TRAPPC10: variants seen among roughly 807,000 people sequenced by gnomAD.
TRAPPC10 encodes the protein TRAPP 130 kDa subunit.
In TRAPPC10, 23 loss-of-function variants were observed where a neutral mutation model predicts 125.5. That is an observed-to-expected ratio of 0.18 (90% CI 0.13 to 0.26). The LOEUF is 0.26. TRAPPC10 is among the 10% of genes least tolerant of loss of function. The pLI, the probability that TRAPPC10 is intolerant of heterozygous loss-of-function variation, is 1.00. For missense variants in TRAPPC10, 1,123 were observed against 1,308.4 expected (o/e 0.86, Z 2.19); for synonymous variants, 509 against 518.0 (o/e 0.98, Z 0.24).
chr21:44,029,623 A>AC (rs1199602666), intron 1 of TRAPPC10, among the ~76,000 whole-genome samples: 2 of 152,188 alleles, frequency 1.3e-5, no homozygotes, highest in Non-Finnish European at 2.9e-5. Context: ...GGCTGCCGCC[A>AC]CAGAGTCACA....
intron 1 of TRAPPC10, among the ~76,000 whole-genome samples, chr21:44,028,928 C>T (rs1335712778): frequency 2.6e-5 from 4 of 152,214 alleles, no homozygotes; most frequent in Non-Finnish European, 2.9e-5. Flanking sequence ...GGAACGTGCT[C>T]TGCCTCGCAG....
Position 44,082,999 on chromosome 21 carries a change from T to C in TRAPPC10, c.1935T>C (p.Leu645=), listed in dbSNP as rs758178736. 9 of 1,614,044 alleles carry C rather than the reference T, an allele frequency of 5.6e-6. 1 individual carries two copies. In the South Asian group the frequency reaches 9.9e-5, roughly 18 times the overall value. The stretch of plus-strand genomic sequence containing the variant: ...GCTACCGGAAGACTGCGGAGTGGCT[T>C]ACCAAGCACAAGACGTCCAATGGGA... ...KNSYRKTAEW[L]TKHKTSNGII... The change falls in exon 14 of 23, where the codon CTT becomes CTC. Residue 645 remains leucine, a synonymous_variant. Transcript: ENST00000291574. The surrounding 1 kb of genome is among the most constrained non-coding windows in gnomAD (Gnocchi z 4.4).
At chr21:44,073,660 G>A (rs935953899) in intron 7 of TRAPPC10, among the ~76,000 whole-genome samples, 6 of 152,100 alleles carry the variant, frequency 3.9e-5, no homozygotes, top group African/African-American at 1.4e-4. Context: ...CTGCATCCTC[G>A]TTCACTTGCC....
chr21:44,059,162 C>T lies in TRAPPC10; in HGVS notation c.738C>T (p.Tyr246=), dbSNP rs778523328. 18 of 1,611,986 alleles carry T rather than the reference C, an allele frequency of 1.1e-5. No individual in the cohort carries two copies. Among genetic ancestry groups the T allele is most frequent in the East Asian group, 6.7e-5 (3 of 44,832 alleles). ...AGTTCGAGGACGCCCTGGTGCAGTA[C>T]GACGAACTGGACGCCCTCTTCTCTC... ...LQQFEDALVQ[Y]DELDALFSQY... is the part of the protein sequence containing the mutation. Residue 246 remains tyrosine (Y), a synonymous_variant, in exon 6 of 23, where the codon TAC becomes TAT. Transcript: ENST00000291574. The surrounding 1 kb of genome is among the most constrained non-coding windows in gnomAD (Gnocchi z 4.4).
chr21:44,055,577 CAA>C (rs548421815), intron 4 of TRAPPC10, 119 bp from the exon 5 acceptor site: 18,882 of 573,016 alleles, frequency 0.033, no homozygotes, highest in South Asian at 0.046. Context: ...AACTCTGTCT[CAA>C]AAAAAAAAAA....
chr21:44,084,858 G>A lies in TRAPPC10; in HGVS notation c.2380+595G>A, dbSNP rs542495409. ...GTTAGAACAGCTCACAGAACTCAGG[G>A]AAACAGGTTGACTGGATTATTATAA... On this transcript the variant is annotated intron_variant, in intron 15 of 22. Coordinates refer to ENST00000291574, the MANE Select transcript of TRAPPC10 (RefSeq NM_003274.5). Among the ~76,000 whole-genome samples the A allele has an allele frequency of 7.9e-5, 12 of 152,338 alleles. 1 individual carries two copies. In the South Asian group the frequency reaches 2.5e-3, roughly 32 times the overall value.
chr21:44,081,832 T>C (rs2037767645), intron 13 of TRAPPC10, among the ~76,000 whole-genome samples: 1 of 152,042 alleles, frequency 6.6e-6, no homozygotes, highest in Non-Finnish European at 1.5e-5. Flanking sequence ...TGAGCCAAGA[T>C]GGTGCCACTA....
intron 6 of TRAPPC10, chr21:44,062,906 T>C: frequency 8.1e-7 from 1 of 1,230,324 alleles, no homozygotes; most frequent in South Asian, 1.4e-5. Context: ...GGACTTGTTA[T>C]TATACATTGT....
At chr21:44,092,104 G>A (rs1410869340) in intron 19 of TRAPPC10, 55 bp downstream of exon 19, 32 of 1,600,732 alleles carry the variant, frequency 2.0e-5, no homozygotes, top group Middle Eastern at 1.7e-4. Flanking sequence ...CAGAGTGTAC[G>A]GAAATGATGT....
At chr21:44,016,117 C>G (rs965733) in intron 1 of TRAPPC10, among the ~76,000 whole-genome samples, 40,742 of 152,048 alleles carry the variant, frequency 0.27, 7,173 homozygotes, top group African/African-American at 0.51. Context: ...TGATGAATGA[C>G]CGAATCATAG....
chr21:44,057,724 C>G (rs1023939148), intron 5 of TRAPPC10, among the ~76,000 whole-genome samples: 2 of 152,196 alleles, frequency 1.3e-5, no homozygotes, highest in Admixed American at 6.5e-5. Context: ...TTCAACATAA[C>G]TTAGCAGTTT....
intron 20 of TRAPPC10, among the ~76,000 whole-genome samples, chr21:44,095,267 C>T (rs1015141005): frequency 2.0e-5 from 3 of 149,234 alleles, no homozygotes; most frequent in Non-Finnish European, 3.0e-5. Context: ...ATTTTCGAGA[C>T]GGAGTTTCAC....
rs2038197214 is a variant in TRAPPC10, at chr21:44,087,204, G to GGGGGTCACGGCT, written c.2539+254_2539+265dup. Among the ~76,000 whole-genome samples the GGGGGTCACGGCT allele has an allele frequency of 1.3e-5, 2 of 152,212 alleles. No homozygotes were observed. The highest frequency in any genetic ancestry group is 4.1e-4 in the South Asian group (2 of 4,828). On this transcript the variant is annotated intron_variant, in intron 16 of 22. Coordinates refer to ENST00000291574, the MANE Select transcript of TRAPPC10 (RefSeq NM_003274.5). The surrounding 1 kb of genome is among the most constrained non-coding windows in gnomAD (Gnocchi z 4.6). ...CTTGTCTGGCTGAGGATTAGGAGAT[G>GGGGGTCACGGCT]GGGGTCACGGCTGGGGTCACGTTCC... is the stretch of plus-strand genomic sequence containing the variant.
intron 1 of TRAPPC10, among the ~76,000 whole-genome samples, chr21:44,030,459 C>A (rs539080654): frequency 1.3e-5 from 2 of 151,958 alleles, no homozygotes; most frequent in East Asian, 3.9e-4. Context: ...TTATTGATGT[C>A]TTTTCTTTCT....
intron 1 of TRAPPC10, among the ~76,000 whole-genome samples, chr21:44,031,017 A>C (rs1001385804): frequency 6.6e-6 from 1 of 152,114 alleles, no homozygotes; most frequent in African/African-American, 2.4e-5. Flanking sequence ...TGATCTCCCC[A>C]GGTGCAGTCA....
chr21:44,087,669 C>T lies in TRAPPC10; in HGVS notation c.2540-30C>T. On this transcript the variant is annotated intron_variant, in intron 16 of 22. Transcript: ENST00000291574. The surrounding 1 kb of genome is among the most constrained non-coding windows in gnomAD (Gnocchi z 4.6). ...AGGACAAGTGAAACCGAGGGAACAG[C>T]TTTGAAGTGACTTTTTCTGTCCTTC... The T allele has an allele frequency of 6.3e-7, 1 of 1,597,746 alleles. No homozygotes were observed. The highest frequency in any genetic ancestry group is 8.5e-7 in the Non-Finnish European group (1 of 1,170,070).
intron 17 of TRAPPC10, chr21:44,089,048 AC>A (rs1319913381): frequency 5.9e-6 from 1 of 170,928 alleles, no homozygotes; most frequent in East Asian, 2.0e-4. Flanking sequence ...CGCTGGTGGC[AC>A]CTGTGCTATG....
At chr21:44,038,337 A>C (rs530616306) in intron 3 of TRAPPC10, among the ~76,000 whole-genome samples, 2 of 151,852 alleles carry the variant, frequency 1.3e-5, no homozygotes, top group Non-Finnish European at 2.9e-5. Flanking sequence ...GCTTAGTCTA[A>C]GCTGTGTTTG....
At chr21:44,081,747 C>T (rs977533145) in intron 13 of TRAPPC10, among the ~76,000 whole-genome samples, 6 of 152,090 alleles carry the variant, frequency 3.9e-5, no homozygotes, top group Non-Finnish European at 5.9e-5. Flanking sequence ...GGTGTGGTGG[C>T]GGGCACCTGT....
Sources: allele counts gnomAD v4.1 joint callset (sites outside exome capture counted in the v4.1 genomes callset), GRCh38; gene constraint gnomAD v4.1.1; non-coding constraint Gnocchi (gnomAD v3.1); transcripts MANE v1.5; gene names NCBI Gene and HGNC (gene_info 2026-07-23, HGNC 2026-07-21).